The following CAMSAP1 variants were observed in gnomAD, a reference collection of about 807,000 sequenced individuals.
The protein encoded by CAMSAP1 is calmodulin-regulated spectrin-associated protein 1.
Under a neutral mutation model 143.5 loss-of-function variants are expected in CAMSAP1, and 58 were observed. The observed-to-expected ratio is 0.40, with a 90% CI of 0.33 to 0.50. The LOEUF is 0.50. CAMSAP1 is among the 20% of genes least tolerant of loss of function. The pLI is 0.45. For missense variants in CAMSAP1, 1,969 were observed against 2,115.7 expected (o/e 0.93, Z 1.36); for synonymous variants, 945 against 859.3 (o/e 1.10, Z -1.74).
At chr9:135,905,996 G>A (rs1035039973) in intron 1 of CAMSAP1, among the ~76,000 whole-genome samples, 3 of 152,132 alleles carry the variant, frequency 2.0e-5, no homozygotes, top group Non-Finnish European at 1.5e-5. Context: ...AACTGTCAAA[G>A]GAAAAACTCT....
At chr9:135,895,186 G>GA (rs1315231739) in intron 1 of CAMSAP1, among the ~76,000 whole-genome samples, 6 of 152,188 alleles carry the variant, frequency 3.9e-5, no homozygotes, top group African/African-American at 1.4e-4. Context: ...CAGAAAGAGA[G>GA]AAAATCTTCC....
In CAMSAP1 at chr9:135,822,588, G is replaced by A. The variant is rs1217491493; in HGVS notation, c.2073C>T (p.Phe691=). Reference sequence around the variant, plus strand: ...AGCCATCCGTGGATGGTCCCTGGGGGAACGGATCGAATCCGCCAAGGGCCA... The same window carrying A: ...AGCCATCCGTGGATGGTCCCTGGGGAAACGGATCGAATCCGCCAAGGGCCA... ...GPLALGGFDP[F]PQGPSTDGFF... The change falls in exon 11 of 17, where the codon TTC becomes TTT. Residue 691 remains phenylalanine (F), a synonymous_variant. Transcript: ENST00000389532. This position sits in a 1 kb window ranked among gnomAD's most constrained non-coding sequence, Gnocchi z 6.1. 1.2e-6 allele frequency: 2 copies of A among 1,613,402 alleles called. No individual in the cohort carries two copies. Among genetic ancestry groups the A allele is most frequent in the Non-Finnish European group, 1.7e-6 (2 of 1,179,760 alleles).
At chr9:135,865,294 C>G (rs765755248) in intron 4 of CAMSAP1, 1 of 1,548,716 alleles carries the variant, frequency 6.5e-7, no homozygotes, top group South Asian at 1.2e-5. Context: ...GACAGGATGG[C>G]TCTGTAGATG....
At chr9:135,893,281 AAG>A (rs1205804610) in intron 1 of CAMSAP1, among the ~76,000 whole-genome samples, 1 of 149,666 alleles carries the variant, frequency 6.7e-6, no homozygotes, top group African/African-American at 2.4e-5. Context: ...AAAAGAAAAA[AAG>A]AAAAAAGGCA....
intron 1 of CAMSAP1, among the ~76,000 whole-genome samples, chr9:135,906,453 G>A (rs528728235): frequency 1.3e-5 from 2 of 152,326 alleles, no homozygotes; most frequent in South Asian, 4.1e-4. Context: ...GAGTAACAAG[G>A]TTACCTAGTT....
intron 3 of CAMSAP1, among the ~76,000 whole-genome samples, chr9:135,876,923 C>T (rs769974412): frequency 9.2e-5 from 14 of 152,052 alleles, no homozygotes; most frequent in Non-Finnish European, 2.1e-4. Context: ...GCAAGAGAAT[C>T]GCTTGAACCC....
At chr9:135,852,213 TG>T (rs1836807519) in intron 5 of CAMSAP1, among the ~76,000 whole-genome samples, 2 of 152,224 alleles carry the variant, frequency 1.3e-5, no homozygotes, top group African/African-American at 4.8e-5. Context: ...GAATTCTTTC[TG>T]GATTGTGGTT....
rs543855316 is a variant in CAMSAP1, at chr9:135,904,000, G to A, written c.160+3000C>T. The stretch of plus-strand genomic sequence containing the variant: ...CGTAAATCACTTCAGCTGAGCTGAG[G>A]CAAGTATTTCGGTCATCTGAATTAC... On this transcript the variant is annotated intron_variant, in intron 1 of 16. Transcript: ENST00000389532. 6.6e-5 allele frequency among the ~76,000 whole-genome samples: 10 copies of A among 152,322 alleles called. No homozygotes were observed. The South Asian group carries it at 1.9e-3, about 28-fold the overall frequency.
At chr9:135,898,370 C>T (rs1458529654) in intron 1 of CAMSAP1, among the ~76,000 whole-genome samples, 1 of 152,100 alleles carries the variant, frequency 6.6e-6, no homozygotes, top group African/African-American at 2.4e-5. Context: ...ACTGGCCAGG[C>T]GTGGTGGCTC....
chr9:135,862,870 C>T (rs994895217), intron 4 of CAMSAP1, among the ~76,000 whole-genome samples: 1 of 152,156 alleles, frequency 6.6e-6, no homozygotes, highest in Non-Finnish European at 1.5e-5. Flanking sequence ...CCAGTCTACT[C>T]TAAACTGACC....
At chr9:135,880,601 G>A (rs1174109895) in intron 3 of CAMSAP1, among the ~76,000 whole-genome samples, 2 of 152,158 alleles carry the variant, frequency 1.3e-5, no homozygotes, top group Admixed American at 1.3e-4. Context: ...ACAAAGACCC[G>A]CCTTTCACAG....
At position 135,907,183 on chromosome 9, in the gene CAMSAP1, C is replaced by A; in HGVS notation, c.-24G>T. 4 of 1,069,624 alleles carry A rather than the reference C, an allele frequency of 3.7e-6. No individual in the cohort carries two copies. Among genetic ancestry groups the A allele is most frequent in the Non-Finnish European group, 4.5e-6 (4 of 884,130 alleles). 66.3% of individuals were successfully genotyped at this position (1,069,624 alleles called of 1,614,324 possible). A position where few individuals can be genotyped will look rare whatever the true frequency, so the allele number is the denominator to read the frequency against. On this transcript the variant is annotated 5_prime_UTR_variant, in exon 1 of 17. Coordinates refer to ENST00000389532, the MANE Select transcript of CAMSAP1 (RefSeq NM_015447.4). ...ATCTGCAGACAAAGGGCTGAGGCGG[C>A]GGCCCGGCCGCAACAAAGGCGCCGC...
At chr9:135,904,702 C>T (rs995256018) in intron 1 of CAMSAP1, among the ~76,000 whole-genome samples, 2 of 152,190 alleles carry the variant, frequency 1.3e-5, no homozygotes, top group Non-Finnish European at 2.9e-5. Context: ...GGCGTGGTGG[C>T]TCACACCTGT....
rs1243648294 is a variant in CAMSAP1, at chr9:135,874,379, G to A, written c.585+7254C>T. Among the ~76,000 whole-genome samples the A allele has an allele frequency of 9.2e-5, 13 of 141,758 alleles. No homozygotes were observed. The East Asian group carries it at 2.6e-3, about 29-fold the overall frequency. The allele number at this position is 141,758 out of a possible 152,430, so 93.0% of individuals were successfully genotyped here. On this transcript the variant is annotated intron_variant, in intron 3 of 16. Transcript: ENST00000389532. The stretch of plus-strand genomic sequence containing the variant: ...CCCAGCTATTCAGCAGGCTGAGGCA[G>A]AAGGATTGCTTGAGCCCAGGAGAAT...
intron 1 of CAMSAP1, among the ~76,000 whole-genome samples, chr9:135,893,218 A>C (rs1044485359): frequency 6.6e-6 from 1 of 151,738 alleles, no homozygotes; most frequent in African/African-American, 2.4e-5. Context: ...GAGGACAGTG[A>C]AAGAAGAAAA....
intron 5 of CAMSAP1, among the ~76,000 whole-genome samples, chr9:135,859,582 C>G (rs576133847): frequency 3.9e-5 from 6 of 151,982 alleles, no homozygotes; most frequent in Non-Finnish European, 5.9e-5. Flanking sequence ...TTAGTAGAGA[C>G]GGGGTTTCAC....
intron 14 of CAMSAP1, among the ~76,000 whole-genome samples, chr9:135,816,552 T>C (rs1043156761): frequency 3.3e-5 from 5 of 152,214 alleles, no homozygotes; most frequent in African/African-American, 1.2e-4. Flanking sequence ...AGATGTCGGC[T>C]GCTGCTCTCA....
chr9:135,856,138 T>C (rs1836961600), intron 5 of CAMSAP1, among the ~76,000 whole-genome samples: 1 of 152,218 alleles, frequency 6.6e-6, no homozygotes, highest in South Asian at 2.1e-4. Flanking sequence ...CTGCCTATAT[T>C]AGTCCATCTT....
chr9:135,831,063 T>C (rs934997567), intron 7 of CAMSAP1, among the ~76,000 whole-genome samples: 3 of 151,990 alleles, frequency 2.0e-5, no homozygotes, highest in Non-Finnish European at 2.9e-5. Context: ...TCCCAGCTAC[T>C]TGGGAGGCTG....
Sources: allele counts gnomAD v4.1 joint callset (sites outside exome capture counted in the v4.1 genomes callset), GRCh38; gene constraint gnomAD v4.1.1; non-coding constraint Gnocchi (gnomAD v3.1); transcripts MANE v1.5; gene names NCBI Gene and HGNC (gene_info 2026-07-23, HGNC 2026-07-21).